The following ATP2B2 variants were observed in gnomAD, a reference collection of about 807,000 sequenced individuals.
The protein encoded by ATP2B2 is plasma membrane calcium-transporting ATPase 2.
A neutral mutation model predicts 120.0 loss-of-function variants in ATP2B2; 15 were observed. The observed-to-expected ratio is 0.12, with a 90% CI of 0.08 to 0.19. The LOEUF (loss-of-function observed/expected upper bound fraction) is 0.19. Among genes scored for constraint, ATP2B2 ranks in the 10% least tolerant of loss-of-function variants. The pLI is 1.00. For missense variants in ATP2B2, 1,045 were observed against 1,719.8 expected (o/e 0.61, Z 6.94); for synonymous variants, 694 against 700.3 (o/e 0.99, Z 0.14).
chr3:10,445,050 C>A (rs1392445265), intron 2 of ATP2B2, among the ~76,000 whole-genome samples: 1 of 152,244 alleles, frequency 6.6e-6, no homozygotes, highest in African/African-American at 2.4e-5. Context: ...CATGTTAACT[C>A]TGCATTGGGC....
intron 2 of ATP2B2, among the ~76,000 whole-genome samples, chr3:10,581,015 A>G (rs1474298802): frequency 6.6e-6 from 1 of 152,208 alleles, no homozygotes; most frequent in African/African-American, 2.4e-5. Flanking sequence ...GAGACTTTAC[A>G]TGTATTATTT....
intron 1 of ATP2B2, among the ~76,000 whole-genome samples, chr3:10,652,189 T>C (rs9834205): frequency 0.22 from 33,359 of 152,010 alleles, 6,127 homozygotes; most frequent in African/African-American, 0.5. Context: ...ATAAATCAGC[T>C]TCTCTGGGCT....
At chr3:10,411,870 T>C (rs964773383) in intron 2 of ATP2B2, among the ~76,000 whole-genome samples, 1 of 152,170 alleles carries the variant, frequency 6.6e-6, no homozygotes, top group Non-Finnish European at 1.5e-5. Context: ...GGTGCACCCC[T>C]CATCATGTGG....
intron 12 of ATP2B2, among the ~76,000 whole-genome samples, chr3:10,364,587 T>C (rs942959515): frequency 2.0e-5 from 3 of 151,914 alleles, no homozygotes; most frequent in African/African-American, 7.3e-5. Flanking sequence ...GGCAGGCCCC[T>C]GTAATCCCAG....
intron 1 of ATP2B2, among the ~76,000 whole-genome samples, chr3:10,646,860 C>T (rs1345070924): frequency 6.6e-6 from 1 of 152,204 alleles, no homozygotes; most frequent in Non-Finnish European, 1.5e-5. Context: ...CCCCTGCCTA[C>T]TCCCACAACT....
intron 2 of ATP2B2, among the ~76,000 whole-genome samples, chr3:10,590,066 T>C (rs1252295034): frequency 6.6e-6 from 1 of 152,216 alleles, no homozygotes; most frequent in Non-Finnish European, 1.5e-5. Context: ...CTACCTCTGG[T>C]GCATCCCTCC....
intron 1 of ATP2B2, among the ~76,000 whole-genome samples, chr3:10,658,308 G>A (rs2070690901): frequency 6.6e-6 from 1 of 150,620 alleles, no homozygotes; most frequent in Non-Finnish European, 1.5e-5. Flanking sequence ...AGCTAAAGGA[G>A]AAGTTCGAAC....
intron 5 of ATP2B2, among the ~76,000 whole-genome samples, chr3:10,398,550 C>G (rs1268676543): frequency 6.6e-6 from 1 of 152,230 alleles, no homozygotes; most frequent in Non-Finnish European, 1.5e-5. Context: ...TCACTGGGAT[C>G]CCTGCTGAGA....
intron 3 of ATP2B2, among the ~76,000 whole-genome samples, chr3:10,405,185 A>C (rs2062367195): frequency 6.6e-6 from 1 of 152,178 alleles, no homozygotes; most frequent in African/African-American, 2.4e-5. Flanking sequence ...GATACATGGT[A>C]AAAGTTAGAC....
intron 5 of ATP2B2, among the ~76,000 whole-genome samples, chr3:10,391,118 C>T: frequency 6.6e-6 from 1 of 152,186 alleles, no homozygotes; most frequent in East Asian, 1.9e-4. Context: ...CCAAGCTGAC[C>T]TCTGTAGAAC....
chr3:10,487,265 T>TAC lies in ATP2B2; in HGVS notation c.-320+18198_-320+18199dup, dbSNP rs764338181. Among the ~76,000 whole-genome samples, 670 of 151,826 alleles carry TAC rather than the reference T, an allele frequency of 4.4e-3. 8 individuals are homozygous for TAC. The highest frequency in any genetic ancestry group is 0.015 in the African/African-American group (632 of 41,342). On this transcript the variant is annotated intron_variant, in intron 1 of 22. Coordinates refer to ENST00000360273, the MANE Select transcript of ATP2B2 (RefSeq NM_001001331.4). ...GCGCACACACACACAGACATGCACA[T>TAC]ACAGAGAGACACACACACACAGACA...
chr3:10,576,951 G>T (rs1429237662), intron 2 of ATP2B2, among the ~76,000 whole-genome samples: 4 of 151,766 alleles, frequency 2.6e-5, no homozygotes, highest in Admixed American at 6.6e-5. Flanking sequence ...CTACTCGGGA[G>T]GCTGAGGCAG....
At chr3:10,498,625 TGGCCC>T (rs540817896) in intron 1 of ATP2B2, among the ~76,000 whole-genome samples, 12 of 152,208 alleles carry the variant, frequency 7.9e-5, no homozygotes, top group Non-Finnish European at 1.8e-4. Flanking sequence ...CAGCCAGACA[TGGCCC>T]GGTAGAGTAG....
chr3:10,562,545 A>T lies in ATP2B2; in HGVS notation c.-414-28412T>A, dbSNP rs115226774. Among the ~76,000 whole-genome samples, 665 of 152,160 alleles carry T rather than the reference A, an allele frequency of 4.4e-3. 6 individuals are homozygous for T. Among genetic ancestry groups the T allele is most frequent in the African/African-American group, 0.014 (582 of 41,486 alleles). On this transcript the variant is annotated intron_variant, in intron 2 of 21. Coordinates refer to the ATP2B2 transcript ENST00000646379. ...AGCTGGATATCTGATTCCCTGAATC[A>T]CCCCTTTCCCTGACCCCTCACCTCC...
intron 2 of ATP2B2, among the ~76,000 whole-genome samples, chr3:10,537,184 T>G (rs139227887): frequency 3.6e-3 from 545 of 152,332 alleles, no homozygotes; most frequent in Non-Finnish European, 6.1e-3. Flanking sequence ...TCATTCTTTT[T>G]CAAAATTGTT....
chr3:10,427,442 T>C (rs987773676), intron 2 of ATP2B2, among the ~76,000 whole-genome samples: 1 of 152,250 alleles, frequency 6.6e-6, no homozygotes, highest in African/African-American at 2.4e-5. Context: ...CACTGCCTTC[T>C]GACCCACAAT....
intron 2 of ATP2B2, among the ~76,000 whole-genome samples, chr3:10,613,706 C>A (rs1001933593): frequency 4.6e-5 from 7 of 152,130 alleles, no homozygotes; most frequent in African/African-American, 1.7e-4. Context: ...CATCTCTTAC[C>A]CGGATAATGG....
chr3:10,659,818 A>T (rs2070733661), intron 1 of ATP2B2, among the ~76,000 whole-genome samples: 1 of 152,236 alleles, frequency 6.6e-6, no homozygotes, highest in Admixed American at 6.5e-5. Context: ...CATCGCACTT[A>T]TTCCAAAATT....
At chr3:10,492,364 T>A (rs1378423057) in intron 1 of ATP2B2, among the ~76,000 whole-genome samples, 1 of 152,168 alleles carries the variant, frequency 6.6e-6, no homozygotes, top group East Asian at 1.9e-4. Context: ...AAACCCCTCA[T>A]TAAGGGCTCT....
Sources: gnomAD v4.1 joint callset for allele counts (sites outside exome capture counted in the v4.1 genomes callset) on GRCh38, gnomAD v4.1.1 for gene constraint, MANE v1.5 for transcripts, NCBI Gene and HGNC (gene_info 2026-07-23, HGNC 2026-07-21) for gene names.